The following CPLANE1 variants were observed in gnomAD, a reference collection of about 807,000 sequenced individuals.
CPLANE1 encodes the protein ciliogenesis and planar polarity effector 1.
A neutral mutation model predicts 362.5 loss-of-function variants in CPLANE1; 263 were observed. That is an observed-to-expected ratio of 0.73 (90% CI 0.66 to 0.80). CPLANE1 has a LOEUF of 0.80. Ranked by LOEUF, CPLANE1 falls within the 30% of genes least tolerant of loss-of-function variation. The pLI is 0.00. For missense variants in CPLANE1, 3,461 were observed against 3,793.4 expected, an observed-to-expected ratio of 0.91 and a Z score of 2.30; for synonymous variants, 1,212 against 1,302.6, an observed-to-expected ratio of 0.93 and a Z score of 1.50.
intron 35 of CPLANE1, 100 bp downstream of exon 35, chr5:37,166,947 G>A: frequency 2.2e-6 from 2 of 910,738 alleles, no homozygotes; most frequent in Non-Finnish European, 3.4e-6. Context: ...GTGCAATTGT[G>A]TATAGCCTAG....
intron 16 of CPLANE1, chr5:37,212,432 C>T: frequency 1.4e-6 from 1 of 724,914 alleles, no homozygotes; most frequent in South Asian, 1.4e-5. Context: ...AATTACATAA[C>T]ATTTACTCCT....
intron 50 of CPLANE1, among the ~76,000 whole-genome samples, chr5:37,117,985 A>C (rs1761519864): frequency 6.6e-6 from 1 of 152,260 alleles, no homozygotes; most frequent in Admixed American, 6.5e-5. Context: ...ATATGTATTT[A>C]ATTCTGGCAA....
intron 2 of CPLANE1, among the ~76,000 whole-genome samples, chr5:37,246,872 C>T (rs565289709): frequency 6.6e-6 from 1 of 152,082 alleles, no homozygotes; most frequent in South Asian, 2.1e-4. Context: ...GATGCCATTG[C>T]GTCCAGCCTG....
intron 37 of CPLANE1, among the ~76,000 whole-genome samples, chr5:37,163,292 A>G (rs1777356877): frequency 6.6e-6 from 1 of 152,194 alleles, no homozygotes; most frequent in Non-Finnish European, 1.5e-5. Flanking sequence ...TACTGAATGG[A>G]TAAGAGGGAA....
chr5:37,229,262 T>C lies in CPLANE1; in HGVS notation c.1122-1445A>G, dbSNP rs189458660. Among the ~76,000 whole-genome samples the C allele has an allele frequency of 6.7e-5, 10 of 148,982 alleles. No individual in the cohort carries two copies. The East Asian group carries it at 1.8e-3, about 27-fold the overall frequency. ...AATTAAATGTCATTTTTGCTAAATA[T>C]AATCGAGGAGGCCGGGCGCGGTGGC... On this transcript the variant is annotated intron_variant, in intron 9 of 52. Coordinates refer to ENST00000651892, the MANE Select transcript of CPLANE1 (RefSeq NM_001384732.1).
chr5:37,186,345 A>ACC lies in CPLANE1; in HGVS notation c.4128_4129dup (p.Val1377GlyfsTer4). On this transcript the variant is annotated frameshift_variant, in exon 24 of 53. Transcript: ENST00000651892. ...AGAGTGATATTTGTCTCTTAAAGGA[A>ACC]CCCTCACGTCCTCAGGATAGGGAAA... The ACC allele has an allele frequency of 6.2e-7, 1 of 1,607,528 alleles. No homozygotes were observed. The highest frequency in any genetic ancestry group is 8.5e-7 in the Non-Finnish European group (1 of 1,174,284).
In CPLANE1 at chr5:37,151,663, T is replaced by C. The variant is rs1423335445; in HGVS notation, c.8373+2077A>G. Reference sequence around the variant, plus strand: ...TACTAAACTAGCTCAAAAGGCAATTTCAAAAGAGATTCTTTGAAGTAAGGA... The same window carrying C: ...TACTAAACTAGCTCAAAAGGCAATTCCAAAAGAGATTCTTTGAAGTAAGGA... On this transcript the variant is annotated intron_variant, in intron 42 of 52. Coordinates refer to ENST00000651892, the MANE Select transcript of CPLANE1 (RefSeq NM_001384732.1). Among the ~76,000 whole-genome samples the C allele has an allele frequency of 3.9e-5, 6 of 152,212 alleles. No individual in the cohort carries two copies. In the South Asian group the frequency reaches 1.0e-3, roughly 26 times the overall value.
intron 46 of CPLANE1, among the ~76,000 whole-genome samples, chr5:37,132,825 A>G (rs1381048096): frequency 6.6e-6 from 1 of 152,158 alleles, no homozygotes; most frequent in Non-Finnish European, 1.5e-5. Flanking sequence ...TGCTTTTGAG[A>G]ACTTAGTCAT....
At chr5:37,160,124 T>C (rs1776442195) in intron 38 of CPLANE1, among the ~76,000 whole-genome samples, 1 of 152,196 alleles carries the variant, frequency 6.6e-6, no homozygotes, top group African/African-American at 2.4e-5. Context: ...AATTTTATTA[T>C]TATTTATATC....
chr5:37,092,773 G>A, the CPLANE1 span, among the ~76,000 whole-genome samples: 175 of 152,178 alleles, frequency 1.1e-3, no homozygotes, highest in African/African-American at 4.1e-3. Context: ...TCATAATTCC[G>A]GTAACAACTA....
At chr5:37,090,153 C>T in the CPLANE1 span, among the ~76,000 whole-genome samples, 2 of 152,122 alleles carry the variant, frequency 1.3e-5, no homozygotes, top group African/African-American at 2.4e-5. Context: ...AGATATTTAA[C>T]CCCTGCAGCA....
At chr5:37,233,025 C>T (rs1798100016) in intron 8 of CPLANE1, among the ~76,000 whole-genome samples, 1 of 152,048 alleles carries the variant, frequency 6.6e-6, no homozygotes, top group Admixed American at 6.6e-5. Flanking sequence ...ATCCACAGGG[C>T]TTCATACCCC....
rs1779306729 is a variant in CPLANE1 at position 37,169,969 on chromosome 5, C to T, written c.6462+72G>A. On this transcript the variant is annotated intron_variant, in intron 33 of 52. Coordinates refer to ENST00000651892, the MANE Select transcript of CPLANE1 (RefSeq NM_001384732.1). ...CTCGAACTCCCAACCTCAGGTGTGG[C>T]CTGCCAAAGTGCTGGGATTACAGAC... The T allele has an allele frequency of 2.0e-6, 3 of 1,465,440 alleles. No homozygotes were observed. In the African/African-American group the frequency reaches 4.2e-5, roughly 20 times the overall value. The allele number at this position is 1,465,440 out of a possible 1,614,324, so 90.8% of individuals were successfully genotyped here. A position where few individuals can be genotyped will look rare whatever the true frequency, so the allele number is the denominator to read the frequency against.
intron 46 of CPLANE1, among the ~76,000 whole-genome samples, chr5:37,138,162 G>A (rs1044001339): frequency 5.3e-5 from 8 of 152,060 alleles, no homozygotes; most frequent in Non-Finnish European, 7.4e-5. Flanking sequence ...CTATTACTAC[G>A]TGGTTGCCTA....
intron 19 of CPLANE1, among the ~76,000 whole-genome samples, chr5:37,200,784 GA>G (rs374548036): frequency 0.018 from 2,621 of 147,406 alleles, 77 homozygotes; most frequent in African/African-American, 0.062. Flanking sequence ...AATAGTGTAG[GA>G]AAAAAAAAAC....
At chr5:37,195,103 C>T (rs59398009) in intron 21 of CPLANE1, among the ~76,000 whole-genome samples, 26,958 of 148,316 alleles carry the variant, frequency 0.18, 2,854 homozygotes, top group East Asian at 0.36. Context: ...TGCAGTGAGC[C>T]GAGATCACGC....
At chr5:37,231,202 A>G (rs1397191697) in intron 8 of CPLANE1, among the ~76,000 whole-genome samples, 153 bp from the exon 9 acceptor site, 2 of 152,234 alleles carry the variant, frequency 1.3e-5, no homozygotes, top group South Asian at 2.1e-4. Context: ...CATTTCATGA[A>G]TTTTACTTCC....
chr5:37,222,893 A>G (rs1010287453), intron 14 of CPLANE1, among the ~76,000 whole-genome samples: 8 of 152,114 alleles, frequency 5.3e-5, no homozygotes, highest in African/African-American at 1.2e-4. Context: ...CCACGCCCCT[A>G]TGTCATAGTC....
rs377485445 is a variant in CPLANE1, at chr5:37,169,193, T to C, written c.6831A>G (p.Gln2277=). Residue 2277 remains glutamine, a synonymous_variant, in exon 34 of 53, where the codon CAA becomes CAG. Coordinates refer to ENST00000651892, the MANE Select transcript of CPLANE1 (RefSeq NM_001384732.1). ...CATTCAAATGGGATGCTGGAGTAGT[T>C]TGTGCTGCTCTCTGTGGCAGAGCAG... is the stretch of plus-strand genomic sequence containing the variant. ...FQPALPQRAA[Q]TTPASHLNVS... 3 of 1,614,038 alleles carry C rather than the reference T, an allele frequency of 1.9e-6. No individual in the cohort carries two copies. The highest frequency in any genetic ancestry group is 1.1e-5 in the South Asian group (1 of 91,082).
Sources: gnomAD v4.1 joint callset for allele counts (sites outside exome capture counted in the v4.1 genomes callset) on GRCh38, gnomAD v4.1.1 for gene constraint, MANE v1.5 for transcripts, NCBI Gene and HGNC (gene_info 2026-07-23, HGNC 2026-07-21) for gene names.